Variants in DHX34 observed in about 807,000 individuals in gnomAD.
DHX34 encodes the protein probable ATP-dependent RNA helicase DHX34.
DHX34 carries 96 observed loss-of-function variants against 111.1 expected under a neutral mutation model. That is an observed-to-expected ratio of 0.86 (90% confidence interval 0.73 to 1.02). The LOEUF (loss-of-function observed/expected upper bound fraction) is 1.02, where lower values mean the gene tolerates loss of function less well. DHX34 is among the 50% of genes least tolerant of loss of function. The pLI is 0.00. For missense variants in DHX34, 1,560 were observed against 1,579.9 expected (o/e 0.99, Z 0.21); for synonymous variants, 688 against 670.4 (o/e 1.03, Z -0.41).
rs530546735 is a variant in DHX34, at chr19:47,363,126, AT to A, written c.1593+442del. ...CCACCAAGCCCAGTTAATTTTTTGTATTTTTTTTTAGTAGAGATGGGGTTAC... is the reference window on the plus strand; with the variant it reads ...CCACCAAGCCCAGTTAATTTTTTGTATTTTTTTTAGTAGAGATGGGGTTAC... On this transcript the variant is annotated intron_variant, in intron 6 of 16. Transcript: ENST00000328771. Among the ~76,000 whole-genome samples the A allele has an allele frequency of 3.3e-5, 5 of 149,690 alleles. No individual in the cohort carries two copies. The East Asian group carries it at 5.9e-4, about 18-fold the overall frequency.
In DHX34 at chr19:47,352,967, G is replaced by C; in HGVS notation, c.-64G>C. The C allele has an allele frequency of 1.3e-6, 2 of 1,529,138 alleles. No individual in the cohort carries two copies. The allele number at this position is 1,529,138 out of a possible 1,614,324, so 94.7% of individuals were successfully genotyped here. A position where few individuals can be genotyped will look rare whatever the true frequency, so the allele number is the denominator to read the frequency against. On this transcript the variant is annotated 5_prime_UTR_variant, in exon 2 of 17. Coordinates refer to ENST00000328771, the MANE Select transcript of DHX34 (RefSeq NM_014681.6). Reference sequence around the variant, plus strand: ...CTGGCCTCTTAAATTGTTGCAGGTGGGGAATGGATGAGAATATTTGTTTTG... The same window carrying C: ...CTGGCCTCTTAAATTGTTGCAGGTGCGGAATGGATGAGAATATTTGTTTTG...
chr19:47,381,133 G>C, intron 15 of DHX34, 53 bp from the exon 16 acceptor site: 1 of 1,604,968 alleles, frequency 6.2e-7, no homozygotes, highest in Non-Finnish European at 8.5e-7. Context: ...GGGGCACTTG[G>C]GTGGTGGGTG....
Position 47,375,645 on chromosome 19 carries a change from C to A in DHX34, c.2244C>A (p.Gly748=). Residue 748 remains glycine, a synonymous_variant, in exon 10 of 17, where the codon GGC becomes GGA. Coordinates refer to ENST00000328771, the MANE Select transcript of DHX34 (RefSeq NM_014681.6). ...VLRLQEEQDG[G]SSDEDRAGPA... The stretch of plus-strand genomic sequence containing the variant: ...GGCTGCAGGAGGAGCAGGACGGCGG[C>A]TCCAGTGACGAGGACAGGGCTGGCC... The A allele has an allele frequency of 6.4e-7, 1 of 1,554,616 alleles. No individual in the cohort carries two copies. Among genetic ancestry groups the A allele is most frequent in the African/African-American group, 1.4e-5 (1 of 73,678 alleles).
Position 47,372,926 on chromosome 19 carries a change from G to A in DHX34, c.1962+3G>A. The A allele has an allele frequency of 6.3e-7, 1 of 1,588,328 alleles. No homozygotes were observed. Among genetic ancestry groups the A allele is most frequent in the Non-Finnish European group, 8.5e-7 (1 of 1,171,192 alleles). ...ACGTCTTCAACGCCTGGGTGCAGGT[G>A]AGGCTGGTGGTGGGGGCCCTCTGTC... On this transcript the variant is annotated splice_donor_region_variant and intron_variant, in intron 8 of 16. Transcript: ENST00000328771.
chr19:47,372,894 CTCT>C lies in DHX34; in HGVS notation c.1936_1938del (p.Phe646del). The C allele has an allele frequency of 3.7e-6, 6 of 1,606,430 alleles. No individual in the cohort carries two copies. The highest frequency in any genetic ancestry group is 5.1e-6 in the Non-Finnish European group (6 of 1,179,008). On this transcript the variant is annotated inframe_deletion, in exon 8 of 17. Coordinates refer to ENST00000328771, the MANE Select transcript of DHX34 (RefSeq NM_014681.6). ...GAGCGACCAGGGTGACCCCTTCACGCTCTTCAACGTCTTCAACGCCTGGGTGCA... is the reference window on the plus strand; with the variant it reads ...GAGCGACCAGGGTGACCCCTTCACGCTCAACGTCTTCAACGCCTGGGTGCA...
chr19:47,372,647 G>A (rs1026972634), intron 7 of DHX34, 83 bp from the exon 8 acceptor site: 25 of 1,435,854 alleles, frequency 1.7e-5, no homozygotes, highest in Non-Finnish European at 2.3e-5. Flanking sequence ...AGGGCAGGCG[G>A]GAGGGCAGGC....
Position 47,375,712 on chromosome 19 carries a change from G to A in DHX34, c.2307+4G>A. On this transcript the variant is annotated splice_donor_region_variant and intron_variant, in intron 10 of 16. Coordinates refer to ENST00000328771, the MANE Select transcript of DHX34 (RefSeq NM_014681.6). ...CAGTGATGGCGTGGACATCCAGGTG[G>A]GCGCCATGGGCTGTGGGGTGTGGGG... The A allele has an allele frequency of 1.3e-6, 2 of 1,561,022 alleles. No homozygotes were observed. Among genetic ancestry groups the A allele is most frequent in the Non-Finnish European group, 1.7e-6 (2 of 1,158,116 alleles).
At chr19:47,367,232 G>T in intron 7 of DHX34, 77 bp downstream of exon 7, 2 of 1,325,672 alleles carry the variant, frequency 1.5e-6, no homozygotes, top group Non-Finnish European at 1.9e-6. Context: ...TGAGTGGCCT[G>T]GGGGCAAGTC....
At chr19:47,366,220 C>T (rs950290901) in intron 6 of DHX34, among the ~76,000 whole-genome samples, 2 of 152,214 alleles carry the variant, frequency 1.3e-5, no homozygotes, top group Admixed American at 6.5e-5. Context: ...GATACAGAGA[C>T]AGCAGCCCTC....
chr19:47,377,197 T>A lies in DHX34; in HGVS notation c.2697T>A (p.Pro899=), dbSNP rs779772044. The A allele has an allele frequency of 1.2e-6, 2 of 1,613,298 alleles. No individual in the cohort carries two copies. Among genetic ancestry groups the A allele is most frequent in the South Asian group, 2.2e-5 (2 of 91,014 alleles). The change falls in exon 13 of 17, where the codon CCT becomes CCA. Residue 899 remains proline (P), a synonymous_variant. Transcript: ENST00000328771. ...KPYLVNCVRI[P]ALQSLLLFSR... is the part of the protein sequence containing the mutation. ...ACCTGGTGAACTGCGTCCGCATCCCTGCCCTCCAGGTGGGCCTCTGCCCCA... is the reference window on the plus strand; with the variant it reads ...ACCTGGTGAACTGCGTCCGCATCCCAGCCCTCCAGGTGGGCCTCTGCCCCA...
chr19:47,358,267 C>T lies in DHX34; in HGVS notation c.1272+147C>T, dbSNP rs1969521892. On this transcript the variant is annotated intron_variant, in intron 4 of 16. Transcript: ENST00000328771. ...GCCACCTAGTGGCAGAGCCAGGCTG[C>T]GAACCCAGGTAGTCTGGCCCCGGAG... 17 of 1,421,308 alleles carry T rather than the reference C, an allele frequency of 1.2e-5. 1 individual carries two copies. In the South Asian group the frequency reaches 1.6e-4, roughly 14 times the overall value. 88.0% of individuals were successfully genotyped at this position (1,421,308 alleles called of 1,614,324 possible). A position where few individuals can be genotyped will look rare whatever the true frequency, so the allele number is the denominator to read the frequency against.
At chr19:47,369,250 T>A (rs1969895196) in intron 7 of DHX34, among the ~76,000 whole-genome samples, 3 of 152,084 alleles carry the variant, frequency 2.0e-5, no homozygotes, top group Admixed American at 2.0e-4. Context: ...TGACCTCAAG[T>A]GTTCTGCCTG....
chr19:47,352,288 T>C lies in DHX34; in HGVS notation c.-277-466T>C, dbSNP rs546399455. On this transcript the variant is annotated intron_variant, in intron 1 of 16. Coordinates refer to ENST00000328771, the MANE Select transcript of DHX34 (RefSeq NM_014681.6). ...GATGACGTGTGTGTCACATGAGAGA[T>C]CATGTGATCATGGCCGTCTGTGAGG... Among the ~76,000 whole-genome samples, 17 of 152,338 alleles carry C rather than the reference T, an allele frequency of 1.1e-4. No homozygotes were observed. The South Asian group carries it at 2.9e-3, about 26-fold the overall frequency.
chr19:47,360,633 G>A (rs1969601329), intron 5 of DHX34, among the ~76,000 whole-genome samples: 1 of 152,174 alleles, frequency 6.6e-6, no homozygotes, highest in Admixed American at 6.5e-5. Context: ...TCCTCCATCC[G>A]CTGTTGCTTG....
intron 12 of DHX34, chr19:47,376,803 G>A: frequency 6.6e-7 from 1 of 1,512,066 alleles, no homozygotes; most frequent in Non-Finnish European, 8.8e-7. Context: ...TGTGCCCAGA[G>A]AGTGAGCACC....
intron 9 of DHX34, among the ~76,000 whole-genome samples, chr19:47,373,934 C>T (rs12460910): frequency 0.24 from 36,467 of 152,016 alleles, 6,647 homozygotes; most frequent in African/African-American, 0.49. Flanking sequence ...GCAGCATCCT[C>T]GGGAAGAGCT....
intron 6 of DHX34, among the ~76,000 whole-genome samples, chr19:47,365,960 G>A (rs1969775146): frequency 6.6e-6 from 1 of 152,112 alleles, no homozygotes; most frequent in Non-Finnish European, 1.5e-5. Flanking sequence ...TTCATGAGGC[G>A]GCATGTCTAA....
At chr19:47,380,640 A>G in intron 14 of DHX34, 176 bp from the exon 15 acceptor site, 1 of 985,278 alleles carries the variant, frequency 1.0e-6, no homozygotes, top group Non-Finnish European at 1.2e-6. Flanking sequence ...GTTATCAGGT[A>G]TATTCTAGAC....
intron 13 of DHX34, among the ~76,000 whole-genome samples, chr19:47,378,343 A>G (rs1970236602): frequency 6.6e-6 from 1 of 152,112 alleles, no homozygotes. Flanking sequence ...GTCAATGTCA[A>G]CCAAACTCCC....
Sources: gnomAD v4.1 joint callset for allele counts (sites outside exome capture counted in the v4.1 genomes callset) on GRCh38, gnomAD v4.1.1 for gene constraint, MANE v1.5 for transcripts, NCBI Gene and HGNC (gene_info 2026-07-23, HGNC 2026-07-21) for gene names.